The following DZIP1 variants were observed in gnomAD, a reference collection of about 807,000 sequenced individuals.
DZIP1 encodes the protein cilium assembly protein DZIP1.
In DZIP1, 97 loss-of-function variants were observed where a neutral mutation model predicts 107.6. The ratio of observed to expected loss-of-function variants is 0.90; its 90% confidence interval spans 0.77 to 1.07. The LOEUF is 1.07. Ranked by LOEUF, DZIP1 falls within the 50% of genes least tolerant of loss-of-function variation. The pLI, the probability that DZIP1 is intolerant of heterozygous loss-of-function variation, is 0.00. For missense variants in DZIP1, 1,035 were observed against 1,063.6 expected (o/e 0.97, Z 0.37); for synonymous variants, 390 against 386.4 (o/e 1.01, Z -0.11).
intron 6 of DZIP1, among the ~76,000 whole-genome samples, chr13:95,632,138 A>T (rs1877270371): frequency 6.6e-6 from 1 of 151,876 alleles, no homozygotes; most frequent in Non-Finnish European, 1.5e-5. Flanking sequence ...GGCTGACCTC[A>T]TCACTTTCTA....
intron 10 of DZIP1, among the ~76,000 whole-genome samples, chr13:95,612,615 C>T (rs111266515): frequency 2.2e-4 from 34 of 152,078 alleles, no homozygotes; most frequent in African/African-American, 5.3e-4. Context: ...CATGGAGTCT[C>T]GCTCTGTCAC....
chr13:95,598,475 TATAAAA>T (rs760791388), intron 15 of DZIP1, among the ~76,000 whole-genome samples: 2 of 152,086 alleles, frequency 1.3e-5, no homozygotes, highest in Non-Finnish European at 2.9e-5. Flanking sequence ...TTTGTAGCCT[TATAAAA>T]ATAAAAATAA....
chr13:95,596,629 A>G (rs771556366), intron 15 of DZIP1, among the ~76,000 whole-genome samples: 13 of 152,308 alleles, frequency 8.5e-5, no homozygotes, highest in Admixed American at 1.3e-4. Flanking sequence ...TAAACTCAAC[A>G]ACCTGAAGCA....
chr13:95,608,030 T>G (rs1266593902), intron 13 of DZIP1, among the ~76,000 whole-genome samples: 1 of 152,248 alleles, frequency 6.6e-6, no homozygotes, highest in Non-Finnish European at 1.5e-5. Context: ...ATGTTTTCTT[T>G]TAAGTGATGA....
rs1878464436 is a variant in DZIP1, at chr13:95,641,362, C to T, written c.530G>A (p.Cys177Tyr). ...AGEIKTLKEE[C>Y]KRRKKMISTQ... ...GGAGATCATCTTCTTCCGGCGTTTG[C>T]ACTCTTCCTTGAGCGTCTTGATCTC... Residue 177 changes from cysteine to tyrosine, a missense_variant, in exon 5 of 23, where the codon TGC becomes TAC. Transcript: ENST00000376829. This position sits in a 1 kb window ranked among gnomAD's most constrained non-coding sequence, Gnocchi z 4.3. 4 of 1,614,010 alleles carry T rather than the reference C, an allele frequency of 2.5e-6. No individual in the cohort carries two copies. Among genetic ancestry groups the T allele is most frequent in the Non-Finnish European group, 3.4e-6 (4 of 1,179,908 alleles).
chr13:95,622,491 A>G lies in DZIP1; in HGVS notation c.973-11T>C, dbSNP rs373042982. On this transcript the variant is annotated splice_polypyrimidine_tract_variant and intron_variant, in intron 8 of 22. Transcript: ENST00000376829. The stretch of plus-strand genomic sequence containing the variant: ...GATTTCTGACAGTTGCTATAAGATA[A>G]AATTCAAGCTCAGTACTACAGTTAG... 6.0e-5 allele frequency: 97 copies of G among 1,613,972 alleles called. 1 individual carries two copies. The African/African-American group carries it at 1.2e-3, about 19-fold the overall frequency.
chr13:95,630,099 C>T lies in DZIP1; in HGVS notation c.700G>A (p.Ala234Thr), dbSNP rs1566423427. 1.9e-6 allele frequency: 3 copies of T among 1,609,444 alleles called. No individual in the cohort carries two copies. The highest frequency in any genetic ancestry group is 2.5e-6 in the Non-Finnish European group (3 of 1,178,740). Reference protein sequence around the residue: ...ENSHFEYQKNAQIEKLRSEIV... With the variant: ...ENSHFEYQKNTQIEKLRSEIV... ...TCACTCCGGAGCTTCTCAATCTGTG[C>T]ATTTTTCTGATACTCTGTTGCAACA... Residue 234 changes from alanine to threonine, a missense_variant, in exon 7 of 23, where the codon GCA (alanine) becomes ACA (threonine). Coordinates refer to ENST00000376829, the MANE Select transcript of DZIP1 (RefSeq NM_198968.4).
intron 5 of DZIP1, among the ~76,000 whole-genome samples, chr13:95,639,987 T>A (rs1219988062): frequency 7.6e-6 from 1 of 131,264 alleles, no homozygotes; most frequent in Non-Finnish European, 1.7e-5. Flanking sequence ...TTATCTTTTT[T>A]ATTTTTATTT....
rs747750483 is a variant in DZIP1 at position 95,641,747 on chromosome 13, T to TG, written c.144dup (p.Ser49GlnfsTer156). The TG allele has an allele frequency of 3.1e-6, 5 of 1,589,436 alleles. No individual in the cohort carries two copies. The highest frequency in any genetic ancestry group is 2.2e-5 in the South Asian group (2 of 89,258). On this transcript the variant is annotated frameshift_variant, in exon 5 of 23. Transcript: ENST00000376829. LOFTEE classifies it high-confidence loss of function. This position sits in a 1 kb window ranked among gnomAD's most constrained non-coding sequence, Gnocchi z 4.3. ...AAGGGCAGGGGCCCCGAAGCCGCGC[T>TG]GGGGGGCGCACAGGCCATGGAGGCC... is the stretch of plus-strand genomic sequence containing the variant.
In DZIP1 at chr13:95,610,055, A is replaced by AGTGTGTGTGTGT. The variant is rs58398816; in HGVS notation, c.1364-554_1364-543dup. On this transcript the variant is annotated intron_variant, in intron 12 of 22. Transcript: ENST00000376829. The stretch of plus-strand genomic sequence containing the variant: ...CTCTTGCCCTGGTCTTGACTGGTTT[A>AGTGTGTGTGTGT]GTGTGTGTGTGTGTGTGTGTGTGTG... 1.2e-3 allele frequency among the ~76,000 whole-genome samples: 130 copies of AGTGTGTGTGTGT among 109,326 alleles called. 1 individual carries two copies. Among genetic ancestry groups the AGTGTGTGTGTGT allele is most frequent in the East Asian group, 6.2e-3 (24 of 3,856 alleles). The allele number at this position is 109,326 out of a possible 152,430, so 71.7% of individuals were successfully genotyped here.
chr13:95,610,179 G>T (rs1476444663), intron 12 of DZIP1, among the ~76,000 whole-genome samples: 1 of 150,794 alleles, frequency 6.6e-6, no homozygotes, highest in Non-Finnish European at 1.5e-5. Context: ...AGACAGGCAG[G>T]CTATCACTGC....
rs1410233092 is a variant in DZIP1, at chr13:95,579,357, G to A, written c.*2877C>T. 1 of 152,158 alleles carries A rather than the reference G, an allele frequency of 6.6e-6. No individual in the cohort carries two copies. Among genetic ancestry groups the A allele is most frequent in the Non-Finnish European group, 1.5e-5 (1 of 68,032 alleles). The allele number at this position is 152,158 out of a possible 1,614,324, so 9.4% of individuals were successfully genotyped here. On this transcript the variant is annotated 3_prime_UTR_variant, in exon 23 of 23. Coordinates refer to ENST00000376829, the MANE Select transcript of DZIP1 (RefSeq NM_198968.4). Reference sequence around the variant, plus strand: ...CCAGCCCTATATAACATGCCCACAAGGGCAACAGTTATCACAGTTCATACA... The same window carrying A: ...CCAGCCCTATATAACATGCCCACAAAGGCAACAGTTATCACAGTTCATACA...
rs188141918 is a variant in DZIP1, at chr13:95,628,827, G to C, written c.810+1162C>G. On this transcript the variant is annotated intron_variant, in intron 7 of 22. Coordinates refer to ENST00000376829, the MANE Select transcript of DZIP1 (RefSeq NM_198968.4). Reference sequence around the variant, plus strand: ...TGCTTCCATTCATATGAGGTATCTAGAGCAGGCAAAATCACAGAGAGGGAA... The same window carrying C: ...TGCTTCCATTCATATGAGGTATCTACAGCAGGCAAAATCACAGAGAGGGAA... Among the ~76,000 whole-genome samples, 15 of 152,254 alleles carry C rather than the reference G, an allele frequency of 9.9e-5. No individual in the cohort carries two copies. In the East Asian group the frequency reaches 1.9e-3, roughly 20 times the overall value.
chr13:95,590,376 ATGTCTTTCTGATTC>A lies in DZIP1; in HGVS notation c.1732_1745del (p.Glu578Ter). 6.2e-7 allele frequency: 1 copy of A among 1,613,864 alleles called. No homozygotes were observed. The highest frequency in any genetic ancestry group is 1.1e-5 in the South Asian group (1 of 91,002). The stretch of plus-strand genomic sequence containing the variant: ...AGTTAGGTATTTCTCTTTCTTGCTT[ATGTCTTTCTGATTC>A]CACACTTTTTAGTACTCTATGCAAC... On this transcript the variant is annotated frameshift_variant, in exon 17 of 23. Coordinates refer to ENST00000376829, the MANE Select transcript of DZIP1 (RefSeq NM_198968.4). LOFTEE classifies it high-confidence loss of function.
At chr13:95,582,672 T>C (rs550960810) in intron 22 of DZIP1, among the ~76,000 whole-genome samples, 1 of 152,178 alleles carries the variant, frequency 6.6e-6, no homozygotes, top group East Asian at 1.9e-4. Context: ...TCTGAGTGAA[T>C]AGATGGTAAA....
intron 19 of DZIP1, among the ~76,000 whole-genome samples, chr13:95,588,492 A>ATTT: frequency 6.6e-6 from 1 of 152,216 alleles, no homozygotes; most frequent in Non-Finnish European, 1.5e-5. Context: ...TATACCTACA[A>ATTT]TTTATTGAGT....
intron 22 of DZIP1, chr13:95,584,494 T>C (rs1416497675): frequency 1.3e-6 from 1 of 752,854 alleles, no homozygotes; most frequent in Non-Finnish European, 1.7e-6. Flanking sequence ...AAAATAAAAA[T>C]AAAAATAAAT....
chr13:95,630,079 C>A lies in DZIP1; in HGVS notation c.720G>T (p.Arg240=). ...CTTCCTTCAATACGACGATCTCACT[C>A]CGGAGCTTCTCAATCTGTGCATTTT... The part of the protein sequence containing the change: ...YQKNAQIEKL[R]SEIVVLKEEL... The change falls in exon 7 of 23, where the codon CGG becomes CGT. Residue 240 remains arginine, a synonymous_variant. Transcript: ENST00000376829. The A allele has an allele frequency of 1.2e-6, 2 of 1,613,702 alleles. No individual in the cohort carries two copies. Among genetic ancestry groups the A allele is most frequent in the South Asian group, 2.2e-5 (2 of 91,004 alleles).
chr13:95,629,859 G>T lies in DZIP1; in HGVS notation c.810+130C>A. On this transcript the variant is annotated intron_variant, in intron 7 of 22. Transcript: ENST00000376829. ...TAGTAAGATACTAAAGAGTAGATTGGCAATAAAAAATGCAATCATCTTGTC... is the reference window on the plus strand; with the variant it reads ...TAGTAAGATACTAAAGAGTAGATTGTCAATAAAAAATGCAATCATCTTGTC... The T allele has an allele frequency of 9.2e-6, 8 of 872,740 alleles. No individual in the cohort carries two copies. The South Asian group carries it at 2.1e-4, about 23-fold the overall frequency. 54.1% of individuals were successfully genotyped at this position (872,740 alleles called of 1,614,324 possible). A position where few individuals can be genotyped will look rare whatever the true frequency, so the allele number is the denominator to read the frequency against.
Sources: allele counts gnomAD v4.1 joint callset (sites outside exome capture counted in the v4.1 genomes callset), GRCh38; gene constraint gnomAD v4.1.1; non-coding constraint Gnocchi (gnomAD v3.1); transcripts MANE v1.5; gene names NCBI Gene and HGNC (gene_info 2026-07-23, HGNC 2026-07-21).